The following CHODL variants were observed in gnomAD, a reference collection of about 807,000 sequenced individuals.
The protein encoded by CHODL is chondrolectin.
Under a neutral mutation model 34.5 loss-of-function variants are expected in CHODL, and 29 were observed. The observed-to-expected ratio is 0.84, with a 90% CI of 0.63 to 1.15. CHODL has a LOEUF of 1.15. Among genes scored for constraint, CHODL ranks in the 50% most tolerant of loss-of-function variants. CHODL has a pLI of 0.00. For synonymous variants in CHODL, 125 were observed against 116.1 expected (o/e 1.08, Z -0.49); for missense variants, 332 against 332.5 (o/e 1.00, Z 0.01).
chr21:17,924,254 C>A (rs2063206523), intron 1 of CHODL, among the ~76,000 whole-genome samples: 1 of 152,200 alleles, frequency 6.6e-6, no homozygotes, highest in South Asian at 2.1e-4. Flanking sequence ...TGGAGTATAG[C>A]TGATGGTGAA....
chr21:18,078,502 T>C (rs2064894501), intron 2 of CHODL, among the ~76,000 whole-genome samples: 1 of 152,188 alleles, frequency 6.6e-6, no homozygotes, highest in African/African-American at 2.4e-5. Context: ...TGTCAAATGG[T>C]TTAGAATATT....
intron 2 of CHODL, among the ~76,000 whole-genome samples, chr21:18,096,356 G>C (rs1281315975): frequency 1.3e-5 from 2 of 152,188 alleles, no homozygotes; most frequent in Non-Finnish European, 2.9e-5. Context: ...GAACAAGGGA[G>C]ATAACCATGA....
At chr21:17,983,669 T>C (rs2063731303) in intron 1 of CHODL, among the ~76,000 whole-genome samples, 1 of 152,222 alleles carries the variant, frequency 6.6e-6, no homozygotes, top group African/African-American at 2.4e-5. Context: ...TTTTGTTTCA[T>C]AATTTATGAA....
At chr21:18,224,476 G>A (rs1443439231) in intron 2 of CHODL, among the ~76,000 whole-genome samples, 1 of 152,164 alleles carries the variant, frequency 6.6e-6, no homozygotes, top group Non-Finnish European at 1.5e-5. Flanking sequence ...AATATTCAGT[G>A]TGGTTAAGTT....
intron 2 of CHODL, among the ~76,000 whole-genome samples, chr21:18,193,769 C>T (rs1663115739): frequency 6.7e-6 from 1 of 150,032 alleles, no homozygotes. Flanking sequence ...AAAAAAAGTC[C>T]TTTGTTTATC....
chr21:18,198,526 T>G (rs937039262), intron 2 of CHODL, among the ~76,000 whole-genome samples: 3 of 152,182 alleles, frequency 2.0e-5, no homozygotes, highest in African/African-American at 7.2e-5. Context: ...GATTCGACAT[T>G]GTTATTTGGG....
chr21:17,974,055 A>AGGG (rs1386775160), intron 1 of CHODL, among the ~76,000 whole-genome samples: 6 of 152,166 alleles, frequency 3.9e-5, no homozygotes, highest in African/African-American at 1.4e-4. Flanking sequence ...TCCTCCAGGA[A>AGGG]GGGATGCCCC....
At chr21:18,027,560 C>T (rs551861193) in intron 1 of CHODL, among the ~76,000 whole-genome samples, 1 of 152,040 alleles carries the variant, frequency 6.6e-6, no homozygotes, top group Non-Finnish European at 1.5e-5. Context: ...GAAATGAGTG[C>T]TAGGAAACAG....
chr21:18,178,734 G>T (rs2073346237), intron 2 of CHODL, among the ~76,000 whole-genome samples: 1 of 152,204 alleles, frequency 6.6e-6, no homozygotes, highest in African/African-American at 2.4e-5. Context: ...GGAGGAAGAA[G>T]AGGAGAAGGG....
At chr21:18,071,880 T>C (rs1218741418) in intron 2 of CHODL, among the ~76,000 whole-genome samples, 1 of 152,182 alleles carries the variant, frequency 6.6e-6, no homozygotes, top group East Asian at 1.9e-4. Context: ...TCAGGCTTAC[T>C]TTTGTCTTAA....
At chr21:18,074,380 A>T (rs1600969376) in intron 2 of CHODL, among the ~76,000 whole-genome samples, 1 of 152,308 alleles carries the variant, frequency 6.6e-6, no homozygotes, top group East Asian at 1.9e-4. Context: ...TCTAAATTAG[A>T]CTGTTATTAC....
intron 5 of CHODL, among the ~76,000 whole-genome samples, 167 bp downstream of exon 5, chr21:18,263,060 T>G (rs1158166134): frequency 1.3e-5 from 2 of 152,296 alleles, no homozygotes; most frequent in East Asian, 3.9e-4. Context: ...TGTAATATAT[T>G]ATTTAATCCT....
In CHODL at chr21:18,179,542, C is replaced by T. The variant is rs906999560; in HGVS notation, c.-44-76967C>T. ...CACTCTAGAGTTGTGGCAGTTTTAC[C>T]CTTTAGTCAAAGAACAGCTTTTGGG... On this transcript the variant is annotated intron_variant, in intron 2 of 6. Coordinates refer to the CHODL transcript ENST00000400127. Among the ~76,000 whole-genome samples, 56 of 152,170 alleles carry T rather than the reference C, an allele frequency of 3.7e-4. 2 individuals are homozygous for T. The highest frequency in any genetic ancestry group is 1.3e-3 in the African/African-American group (52 of 41,514).
intron 2 of CHODL, among the ~76,000 whole-genome samples, chr21:18,172,743 G>C (rs1161230959): frequency 6.6e-6 from 1 of 152,018 alleles, no homozygotes; most frequent in Admixed American, 6.5e-5. Context: ...CTTCTATTTG[G>C]TTTTCTATGC....
At chr21:18,132,822 C>A (rs1421256971) in intron 2 of CHODL, among the ~76,000 whole-genome samples, 1 of 151,952 alleles carries the variant, frequency 6.6e-6, no homozygotes, top group Non-Finnish European at 1.5e-5. Flanking sequence ...CTTGGCTGGC[C>A]CTCCTCCCAC....
intron 1 of CHODL, among the ~76,000 whole-genome samples, chr21:17,991,811 A>G (rs1032079157): frequency 6.6e-6 from 1 of 152,122 alleles, no homozygotes; most frequent in Non-Finnish European, 1.5e-5. Context: ...TTTGCTGTAC[A>G]GAGGCTTTAT....
intron 2 of CHODL, among the ~76,000 whole-genome samples, chr21:18,188,784 A>G (rs893592128): frequency 3.9e-5 from 6 of 152,240 alleles, no homozygotes; most frequent in Non-Finnish European, 7.3e-5. Context: ...TAAGAAAATG[A>G]CATTTGTTTA....
intron 2 of CHODL, among the ~76,000 whole-genome samples, chr21:18,213,388 A>C (rs1331087938): frequency 6.6e-6 from 1 of 152,076 alleles, no homozygotes; most frequent in Non-Finnish European, 1.5e-5. Flanking sequence ...ATTTTCTCTT[A>C]TTTAGTATAC....
At chr21:18,211,141 TACAC>T (rs3077936) in intron 2 of CHODL, among the ~76,000 whole-genome samples, 7,020 of 148,768 alleles carry the variant, frequency 0.047, 187 homozygotes, top group Non-Finnish European at 0.059. Flanking sequence ...TACACATGGA[TACAC>T]ACACACACAC....
Sources: gnomAD v4.1 joint callset for allele counts (sites outside exome capture counted in the v4.1 genomes callset) on GRCh38, gnomAD v4.1.1 for gene constraint, MANE v1.5 for transcripts, NCBI Gene and HGNC (gene_info 2026-07-23, HGNC 2026-07-21) for gene names.